Variants in PARD3B observed in about 807,000 individuals in gnomAD.
The protein encoded by PARD3B is partitioning defective 3 homolog B.
In PARD3B, 103 loss-of-function variants were observed where a neutral mutation model predicts 130.2. The observed-to-expected ratio is 0.79, with a 90% confidence interval of 0.67 to 0.93. PARD3B has a LOEUF of 0.93. Among genes scored for constraint, PARD3B ranks in the 40% least tolerant of loss-of-function variants. The pLI is 0.00. For missense variants in PARD3B, 1,609 were observed against 1,499.2 expected (o/e 1.07, Z -1.21); for synonymous variants, 583 against 553.2 (o/e 1.05, Z -0.76).
chr2:204,788,285 A>G (rs2042080580), intron 2 of PARD3B, among the ~76,000 whole-genome samples: 2 of 152,202 alleles, frequency 1.3e-5, no homozygotes, highest in Admixed American at 1.3e-4. Flanking sequence ...TTCTGTTTCA[A>G]CAGAATCTAT....
intron 2 of PARD3B, among the ~76,000 whole-genome samples, chr2:204,864,673 T>C (rs1275129003): frequency 6.6e-6 from 1 of 152,202 alleles, no homozygotes; most frequent in East Asian, 1.9e-4. Context: ...TCTGAACCAA[T>C]TTTATTTATG....
chr2:205,235,890 C>T (rs1343498980), intron 15 of PARD3B, among the ~76,000 whole-genome samples: 3 of 152,038 alleles, frequency 2.0e-5, no homozygotes, highest in African/African-American at 7.2e-5. Flanking sequence ...GAAATCAATG[C>T]GTTAGAAAAA....
chr2:204,673,172 CA>C lies in PARD3B; in HGVS notation c.121-13008del, dbSNP rs550535809. ...ATGCTGAATTATCCTATTTATGTGGCACATGCCCAGCCAATCCTGCTGTGCT... is the reference window on the plus strand; with the variant it reads ...ATGCTGAATTATCCTATTTATGTGGCCATGCCCAGCCAATCCTGCTGTGCT... On this transcript the variant is annotated intron_variant, in intron 1 of 22. Transcript: ENST00000406610. This position sits in a 1 kb window ranked among gnomAD's most constrained non-coding sequence, Gnocchi z 4.7. 4.7e-3 allele frequency among the ~76,000 whole-genome samples: 712 copies of C among 152,270 alleles called. 1 individual carries two copies. The highest frequency in any genetic ancestry group is 7.5e-3 in the Non-Finnish European group (511 of 68,014).
chr2:205,467,050 A>G (rs1310468520), intron 20 of PARD3B, among the ~76,000 whole-genome samples: 1 of 152,236 alleles, frequency 6.6e-6, no homozygotes, highest in Non-Finnish European at 1.5e-5. Context: ...TGCTGTCTTA[A>G]TGTCTCTGAT....
chr2:205,037,502 A>G (rs1698077112), intron 3 of PARD3B, among the ~76,000 whole-genome samples: 2 of 147,994 alleles, frequency 1.4e-5, no homozygotes, highest in Non-Finnish European at 3.0e-5. Flanking sequence ...TAAAATATAT[A>G]GTGGACTATA....
In PARD3B at chr2:205,568,603, G is replaced by T. The variant is rs1344337764; in HGVS notation, c.3260+15200G>T. Among the ~76,000 whole-genome samples the T allele has an allele frequency of 2.0e-5, 3 of 152,208 alleles. No homozygotes were observed. The highest frequency in any genetic ancestry group is 4.4e-5 in the Non-Finnish European group (3 of 68,042). ...CCATTAATGAACAATGATGGTTTGA[G>T]TGTGTGCTGTGGCTTTACCTAGGAT... is the stretch of plus-strand genomic sequence containing the variant. On this transcript the variant is annotated intron_variant, in intron 22 of 22. Coordinates refer to ENST00000406610, the MANE Select transcript of PARD3B (RefSeq NM_001302769.2). The surrounding 1 kb of genome is among the most constrained non-coding windows in gnomAD (Gnocchi z 5.3).
chr2:205,327,253 C>T (rs1459591685), intron 18 of PARD3B, among the ~76,000 whole-genome samples: 1 of 152,212 alleles, frequency 6.6e-6, no homozygotes. Context: ...GTATGCTCCA[C>T]TGCCCCACCT....
chr2:205,144,781 T>C (rs1427110430), intron 10 of PARD3B, among the ~76,000 whole-genome samples: 1 of 152,184 alleles, frequency 6.6e-6, no homozygotes, highest in African/African-American at 2.4e-5. Flanking sequence ...TATTTATCAT[T>C]AACAGCATAC....
At chr2:204,937,034 T>G (rs1309369312) in intron 2 of PARD3B, among the ~76,000 whole-genome samples, 1 of 152,162 alleles carries the variant, frequency 6.6e-6, no homozygotes, top group African/African-American at 2.4e-5. Flanking sequence ...GACAAAGAAG[T>G]GAATAGACAC....
chr2:205,055,260 T>C (rs1559394283), intron 4 of PARD3B, among the ~76,000 whole-genome samples: 1 of 152,214 alleles, frequency 6.6e-6, no homozygotes, highest in African/African-American at 2.4e-5. Flanking sequence ...ATTTCTTATA[T>C]CCATTACATC....
chr2:204,651,862 T>C (rs1291969010), intron 1 of PARD3B, among the ~76,000 whole-genome samples: 1 of 152,186 alleles, frequency 6.6e-6, no homozygotes, highest in African/African-American at 2.4e-5. Context: ...AAACACCATG[T>C]GGAAGCTGTT....
chr2:204,872,649 T>A (rs1045867168), intron 2 of PARD3B, among the ~76,000 whole-genome samples: 3 of 152,220 alleles, frequency 2.0e-5, no homozygotes, highest in South Asian at 2.1e-4. Flanking sequence ...CTACCTACTT[T>A]GAGAATCTAA....
At chr2:204,607,712 T>C (rs1377247627) in intron 1 of PARD3B, among the ~76,000 whole-genome samples, 1 of 152,172 alleles carries the variant, frequency 6.6e-6, no homozygotes, top group Non-Finnish European at 1.5e-5. Context: ...AAAGATCAGC[T>C]GTTCTGAGTG....
intron 20 of PARD3B, among the ~76,000 whole-genome samples, chr2:205,469,872 C>G (rs1288736043): frequency 1.3e-5 from 2 of 152,246 alleles, no homozygotes; most frequent in Non-Finnish European, 2.9e-5. Context: ...CTGCCATTGT[C>G]TATAATTTCT....
chr2:204,594,830 CA>C (rs2033218571), intron 1 of PARD3B, among the ~76,000 whole-genome samples: 1 of 152,130 alleles, frequency 6.6e-6, no homozygotes, highest in Admixed American at 6.5e-5. Flanking sequence ...TGAAATTCTG[CA>C]GTGTAAATAG....
chr2:205,399,367 G>A (rs758314048), intron 18 of PARD3B, among the ~76,000 whole-genome samples: 44 of 151,856 alleles, frequency 2.9e-4, no homozygotes, highest in Non-Finnish European at 5.6e-4. Context: ...TTGTTTGTTT[G>A]TTTTTGAGAC....
chr2:205,359,131 C>A (rs966057269), intron 18 of PARD3B, among the ~76,000 whole-genome samples: 2 of 152,216 alleles, frequency 1.3e-5, no homozygotes, highest in African/African-American at 2.4e-5. Context: ...CTCTTACAAA[C>A]ACCAAGCAAT....
chr2:204,711,628 C>T (rs2038440514), intron 2 of PARD3B, among the ~76,000 whole-genome samples: 1 of 152,108 alleles, frequency 6.6e-6, no homozygotes, highest in Non-Finnish European at 1.5e-5. Flanking sequence ...TCACTGCAAC[C>T]TCTGCCTCCC....
rs970005491 is a variant in PARD3B, at chr2:205,263,415, C to A, written c.2185+17593C>A. Among the ~76,000 whole-genome samples, 3 of 144,534 alleles carry A rather than the reference C, an allele frequency of 2.1e-5. No individual in the cohort carries two copies. The highest frequency in any genetic ancestry group is 4.7e-5 in the Non-Finnish European group (3 of 64,406). The allele number at this position is 144,534 out of a possible 152,430, so 94.8% of individuals were successfully genotyped here. A position where few individuals can be genotyped will look rare whatever the true frequency, so the allele number is the denominator to read the frequency against. On this transcript the variant is annotated intron_variant, in intron 16 of 22. Coordinates refer to ENST00000406610, the MANE Select transcript of PARD3B (RefSeq NM_001302769.2). This position sits in a 1 kb window ranked among gnomAD's most constrained non-coding sequence, Gnocchi z 4.0. The stretch of plus-strand genomic sequence containing the variant: ...TGAAAGTCCTTACTAAGGAGTTTCC[C>A]TTTATCATTTAAATAGCAAACAGAA...
Sources: gnomAD v4.1 joint callset for allele counts (sites outside exome capture counted in the v4.1 genomes callset) on GRCh38, gnomAD v4.1.1 for gene constraint, Gnocchi (gnomAD v3.1) non-coding constraint, MANE v1.5 for transcripts, NCBI Gene and HGNC (gene_info 2026-07-23, HGNC 2026-07-21) for gene names.